ITGA9: variants seen among roughly 807,000 people sequenced by gnomAD.
The protein encoded by ITGA9 is integrin subunit alpha 9.
Under a neutral mutation model 127.8 loss-of-function variants are expected in ITGA9, and 56 were observed. That is an observed-to-expected ratio of 0.44 (90% CI 0.35 to 0.55). ITGA9 has a LOEUF of 0.55. Ranked by LOEUF, ITGA9 falls within the 20% of genes least tolerant of loss-of-function variation. The probability of loss-of-function intolerance (pLI) is 0.00; values close to 1 mark genes in which losing one functional copy is unlikely to be tolerated. For missense variants in ITGA9, 1,196 were observed against 1,347.1 expected (o/e 0.89, Z 1.76); for synonymous variants, 508 against 514.5 (o/e 0.99, Z 0.17).
chr3:37,715,069 A>G (rs1423845584), intron 18 of ITGA9, among the ~76,000 whole-genome samples: 1 of 152,136 alleles, frequency 6.6e-6, no homozygotes, highest in Non-Finnish European at 1.5e-5. Context: ...GTTTAGCAAA[A>G]TGCCACGTGT....
chr3:37,591,084 T>C (rs902762840), intron 15 of ITGA9, among the ~76,000 whole-genome samples: 1 of 152,092 alleles, frequency 6.6e-6, no homozygotes, highest in Non-Finnish European at 1.5e-5. Flanking sequence ...GAAACTTCCA[T>C]GCCACCCCTC....
intron 26 of ITGA9, among the ~76,000 whole-genome samples, chr3:37,793,389 A>AACACACACACACACACACACAC (rs10575371): frequency 7.4e-6 from 1 of 134,458 alleles, no homozygotes; most frequent in Non-Finnish European, 1.6e-5. Flanking sequence ...CAAACAGGTC[A>AACACACACACACACACACACAC]ACACACACAC....
chr3:37,584,353 G>A lies in ITGA9; in HGVS notation c.1689+41768G>A, dbSNP rs558004988. Among the ~76,000 whole-genome samples, 3 of 152,314 alleles carry A rather than the reference G, an allele frequency of 2.0e-5. No individual in the cohort carries two copies. The East Asian group carries it at 5.8e-4, about 29-fold the overall frequency. On this transcript the variant is annotated intron_variant, in intron 15 of 27. Transcript: ENST00000264741. Reference sequence around the variant, plus strand: ...GCCCTCATTCCATTGGCCAGAGCAAGTCATGAGGCCCAATCCATCAGTAGA... The same window carrying A: ...GCCCTCATTCCATTGGCCAGAGCAAATCATGAGGCCCAATCCATCAGTAGA...
At chr3:37,546,418 A>G (rs1291345539) in intron 15 of ITGA9, among the ~76,000 whole-genome samples, 1 of 152,190 alleles carries the variant, frequency 6.6e-6, no homozygotes, top group Non-Finnish European at 1.5e-5. Flanking sequence ...AGTCATGCCT[A>G]TGTGCCATGG....
At chr3:37,578,348 A>G (rs1204028046) in intron 15 of ITGA9, among the ~76,000 whole-genome samples, 1 of 152,010 alleles carries the variant, frequency 6.6e-6, no homozygotes, top group African/African-American at 2.4e-5. Context: ...AGGGGTGGAG[A>G]AGCTTGCCTC....
intron 15 of ITGA9, among the ~76,000 whole-genome samples, chr3:37,557,950 T>A (rs1699446856): frequency 6.6e-6 from 1 of 152,218 alleles, no homozygotes. Context: ...TGACTTTGAA[T>A]GCAAAAGATG....
At chr3:37,803,644 G>A (rs570746434) in intron 26 of ITGA9, among the ~76,000 whole-genome samples, 179 bp from the exon 27 acceptor site, 1 of 152,190 alleles carries the variant, frequency 6.6e-6, no homozygotes, top group Non-Finnish European at 1.5e-5. Context: ...ACATTAGCCA[G>A]GCACCTGTAA....
chr3:37,704,939 A>G (rs1279059814), intron 18 of ITGA9, among the ~76,000 whole-genome samples: 1 of 152,194 alleles, frequency 6.6e-6, no homozygotes, highest in African/African-American at 2.4e-5. Context: ...CCAGTAAGAG[A>G]CTGAATGAAT....
chr3:37,619,327 A>G (rs953636824), intron 15 of ITGA9, among the ~76,000 whole-genome samples: 2 of 152,156 alleles, frequency 1.3e-5, no homozygotes, highest in African/African-American at 4.8e-5. Context: ...TAAGTATGGA[A>G]TTTATTACAT....
At chr3:37,705,095 A>C (rs1419151007) in intron 18 of ITGA9, among the ~76,000 whole-genome samples, 1 of 152,192 alleles carries the variant, frequency 6.6e-6, no homozygotes, top group Non-Finnish European at 1.5e-5. Context: ...GAATGGCATG[A>C]ATGTTGGCTG....
At chr3:37,563,251 C>A (rs1304746882) in intron 15 of ITGA9, among the ~76,000 whole-genome samples, 1 of 152,166 alleles carries the variant, frequency 6.6e-6, no homozygotes, top group African/African-American at 2.4e-5. Context: ...CATGGGTAGA[C>A]TAATACCTGT....
At chr3:37,578,217 GT>G (rs1349669251) in intron 15 of ITGA9, among the ~76,000 whole-genome samples, 1 of 152,158 alleles carries the variant, frequency 6.6e-6, no homozygotes, top group Non-Finnish European at 1.5e-5. Flanking sequence ...GGAAAGAAAG[GT>G]TTGATTTTGG....
chr3:37,750,471 A>G lies in ITGA9; in HGVS notation c.2443A>G (p.Thr815Ala). The change falls in exon 23 of 28, where the codon ACT becomes GCT. Residue 815 changes from threonine to alanine, a missense_variant. Coordinates refer to ENST00000264741, the MANE Select transcript of ITGA9 (RefSeq NM_002207.3). Reference sequence around the variant, plus strand: ...TGTTCCACACCCACAGGTCTACAACACTGGCCCAAGCACCCTTCCAGGGTC... The same window carrying G: ...TGTTCCACACCCACAGGTCTACAACGCTGGCCCAAGCACCCTTCCAGGGTC... ...PINITLQVYN[T>A]GPSTLPGSSV... is the part of the protein sequence containing the mutation. 6.2e-6 allele frequency: 10 copies of G among 1,608,582 alleles called. No individual in the cohort carries two copies. Among genetic ancestry groups the G allele is most frequent in the Non-Finnish European group, 8.5e-6 (10 of 1,175,226 alleles).
At position 37,683,858 on chromosome 3, in the gene ITGA9, G is replaced by T. The variant is rs372970747; in HGVS notation, c.1917-7G>T. 301 of 1,613,700 alleles carry T rather than the reference G, an allele frequency of 1.9e-4. 5 individuals carry two copies. The South Asian group carries it at 2.9e-3, about 16-fold the overall frequency. ...GGGCATTCATTGCTGTCTATTTTTCGTTACAGTATGGATGAGAAAACCCTG... is the reference window on the plus strand; with the variant it reads ...GGGCATTCATTGCTGTCTATTTTTCTTTACAGTATGGATGAGAAAACCCTG... On this transcript the variant is annotated splice_polypyrimidine_tract_variant and splice_region_variant and intron_variant, in intron 17 of 27. Coordinates refer to ENST00000264741, the MANE Select transcript of ITGA9 (RefSeq NM_002207.3).
At chr3:37,659,631 C>T (rs1700513489) in intron 17 of ITGA9, among the ~76,000 whole-genome samples, 1 of 151,970 alleles carries the variant, frequency 6.6e-6, no homozygotes, top group Non-Finnish European at 1.5e-5. Flanking sequence ...GAACATGCTC[C>T]TTTAGCTCAG....
chr3:37,674,070 G>C (rs1376698065), intron 17 of ITGA9, among the ~76,000 whole-genome samples: 1 of 152,160 alleles, frequency 6.6e-6, no homozygotes, highest in South Asian at 2.1e-4. Flanking sequence ...ACCACTAAAG[G>C]CTGATGTTGG....
intron 16 of ITGA9, among the ~76,000 whole-genome samples, chr3:37,647,814 T>C (rs569241842): frequency 1.3e-5 from 2 of 152,320 alleles, no homozygotes; most frequent in African/African-American, 4.8e-5. Context: ...ATCTCCTTTT[T>C]AAAGGCTGAA....
chr3:37,741,387 C>T (rs1320923879), intron 20 of ITGA9, among the ~76,000 whole-genome samples: 2 of 152,026 alleles, frequency 1.3e-5, no homozygotes, highest in Admixed American at 6.5e-5. Context: ...AGAGTCCCCG[C>T]GAGACTGGGC....
chr3:37,535,438 C>T (rs1432673656), intron 14 of ITGA9, among the ~76,000 whole-genome samples: 1 of 152,186 alleles, frequency 6.6e-6, no homozygotes, highest in Admixed American at 6.5e-5. Flanking sequence ...CTGTTCCCGA[C>T]CAGTGGCTCT....
Sources: allele counts gnomAD v4.1 joint callset (sites outside exome capture counted in the v4.1 genomes callset), GRCh38; gene constraint gnomAD v4.1.1; transcripts MANE v1.5; gene names NCBI Gene and HGNC (gene_info 2026-07-23, HGNC 2026-07-21).